The following IKZF3 variants were observed in gnomAD, a reference collection of about 807,000 sequenced individuals.
IKZF3 encodes zinc finger protein Aiolos.
IKZF3 carries 10 observed loss-of-function variants against 49.0 expected under a neutral mutation model. That is an observed-to-expected ratio of 0.20 (90% CI 0.13 to 0.35). The LOEUF (loss-of-function observed/expected upper bound fraction) is 0.35. Ranked by LOEUF, IKZF3 falls within the 10% of genes least tolerant of loss-of-function variation. IKZF3 has a pLI of 1.00. For synonymous variants in IKZF3, 209 were observed against 228.2 expected, an observed-to-expected ratio of 0.92 and a Z score of 0.76; for missense variants, 498 against 664.8, an observed-to-expected ratio of 0.75 and a Z score of 2.76.
rs1428917195 is a variant in IKZF3 at position 39,791,587 on chromosome 17, T to A, written c.425-4A>T. On this transcript the variant is annotated splice_polypyrimidine_tract_variant and splice_region_variant and intron_variant, in intron 4 of 7. Transcript: ENST00000346872. Reference sequence around the variant, plus strand: ...TTACACTGGAATGGGCGTTCACCTTTAAAAAGGACAAAAAAGGAGATTTCT... The same window carrying A: ...TTACACTGGAATGGGCGTTCACCTTAAAAAAGGACAAAAAAGGAGATTTCT... 1 of 1,613,332 alleles carries A rather than the reference T, an allele frequency of 6.2e-7. No individual in the cohort carries two copies. Among genetic ancestry groups the A allele is most frequent in the Admixed American group, 1.7e-5 (1 of 59,838 alleles).
At chr17:39,846,825 T>G (rs2062646545) in intron 1 of IKZF3, among the ~76,000 whole-genome samples, 1 of 152,076 alleles carries the variant, frequency 6.6e-6, no homozygotes, top group African/African-American at 2.4e-5. Flanking sequence ...AGATCATATT[T>G]CTACTCCATG....
At chr17:39,797,426 T>C (rs1192502493) in intron 3 of IKZF3, among the ~76,000 whole-genome samples, 1 of 119,802 alleles carries the variant, frequency 8.3e-6, no homozygotes, top group Non-Finnish European at 1.7e-5. Flanking sequence ...TCTTTCTTTC[T>C]TTTTTTTTTT....
Position 39,766,274 on chromosome 17 carries a change from G to A in IKZF3, c.1046C>T (p.Ala349Val), listed in dbSNP as rs1463659929. ...TTGAGGGGCACCGTTTGACATCTCAGCCCGGGTGAGGGCTATGGGATACAT... is the reference window on the plus strand; with the variant it reads ...TTGAGGGGCACCGTTTGACATCTCAACCCGGGTGAGGGCTATGGGATACAT... ...SSMYPIALTR[A>V]EMSNGAPQEL... is the part of the protein sequence containing the mutation. The change falls in exon 8 of 8, where the codon GCT (alanine) becomes GTT (valine). Residue 349 changes from alanine (A) to valine (V), a missense_variant. Around this residue, in one of 3 missense-constraint regions of IKZF3, gnomAD observed 317 missense variants for 397.3 expected, o/e 0.80. Coordinates refer to ENST00000346872, the MANE Select transcript of IKZF3 (RefSeq NM_012481.5). 1 of 1,614,168 alleles carries A rather than the reference G, an allele frequency of 6.2e-7. No homozygotes were observed.
chr17:39,837,343 C>A (rs2062320935), intron 1 of IKZF3, among the ~76,000 whole-genome samples: 1 of 151,720 alleles, frequency 6.6e-6, no homozygotes, highest in African/African-American at 2.4e-5. Context: ...AGGGACTTTT[C>A]TTGTTTTCAA....
At chr17:39,829,975 A>C in intron 2 of IKZF3, among the ~76,000 whole-genome samples, 1 of 152,088 alleles carries the variant, frequency 6.6e-6, no homozygotes, top group East Asian at 1.9e-4. Flanking sequence ...AGAGAAAAGA[A>C]ATATGCCCAG....
At position 39,765,363 on chromosome 17, in the gene IKZF3, G is replaced by A. The variant is rs1437844549; in HGVS notation, c.*427C>T. On this transcript the variant is annotated 3_prime_UTR_variant, in exon 8 of 8. Coordinates refer to ENST00000346872, the MANE Select transcript of IKZF3 (RefSeq NM_012481.5). ...ACCCTTCAGCCTGTGAAGGGCAGAA[G>A]GGTGAGGCTTCCCAGCAAGGTCAGC... is the stretch of plus-strand genomic sequence containing the variant. The A allele has an allele frequency of 6.2e-6, 1 of 162,240 alleles. No individual in the cohort carries two copies. The highest frequency in any genetic ancestry group is 2.4e-5 in the African/African-American group (1 of 41,572). 10.1% of individuals were successfully genotyped at this position (162,240 alleles called of 1,614,324 possible). A position where few individuals can be genotyped will look rare whatever the true frequency, so the allele number is the denominator to read the frequency against.
intron 1 of IKZF3, among the ~76,000 whole-genome samples, chr17:39,842,030 C>T (rs1302415848): frequency 1.1e-4 from 1 of 8,722 alleles, no homozygotes; most frequent in Non-Finnish European, 2.1e-4. Context: ...TGGATGACAA[C>T]AAAGCAAAAA....
intron 7 of IKZF3, among the ~76,000 whole-genome samples, chr17:39,768,319 A>AT (rs778457080): frequency 1.9e-4 from 29 of 152,176 alleles, no homozygotes; most frequent in Non-Finnish European, 3.4e-4. Context: ...AAGAATTTAG[A>AT]TTTTCAGAGA....
chr17:39,783,097 T>G (rs2060785143), intron 6 of IKZF3, among the ~76,000 whole-genome samples: 1 of 152,162 alleles, frequency 6.6e-6, no homozygotes, highest in Non-Finnish European at 1.5e-5. Context: ...AATCCTTCAT[T>G]AGATCTTGAA....
intron 7 of IKZF3, among the ~76,000 whole-genome samples, chr17:39,767,757 G>A (rs193291860): frequency 4.6e-5 from 7 of 152,150 alleles, no homozygotes; most frequent in East Asian, 3.9e-4. Flanking sequence ...TATAGAACTC[G>A]AGAAAAAGTA....
chr17:39,784,831 G>A (rs1295717159), intron 6 of IKZF3, among the ~76,000 whole-genome samples: 1 of 152,198 alleles, frequency 6.6e-6, no homozygotes, highest in Non-Finnish European at 1.5e-5. Context: ...AGCAAGGCCA[G>A]AAGTCCTGTT....
intron 4 of IKZF3, 52 bp downstream of exon 4, chr17:39,792,621 C>G: frequency 1.3e-6 from 2 of 1,554,822 alleles, no homozygotes; most frequent in Non-Finnish European, 1.7e-6. Flanking sequence ...TCATTTCTCA[C>G]GTGGCTGCAT....
chr17:39,785,677 T>C (rs1210190168), intron 6 of IKZF3, among the ~76,000 whole-genome samples: 3 of 152,182 alleles, frequency 2.0e-5, no homozygotes, highest in African/African-American at 7.2e-5. Context: ...AGGACACACA[T>C]ATATGTATAT....
chr17:39,765,672 A>C lies in IKZF3; in HGVS notation c.*118T>G. The C allele has an allele frequency of 2.7e-6, 2 of 738,294 alleles. No individual in the cohort carries two copies. Among genetic ancestry groups the C allele is most frequent in the South Asian group, 3.8e-5 (2 of 52,886 alleles). 45.7% of individuals were successfully genotyped at this position (738,294 alleles called of 1,614,324 possible). A position where few individuals can be genotyped will look rare whatever the true frequency, so the allele number is the denominator to read the frequency against. ...CTGGCTACCCCTGTGAACACAGCTA[A>C]AAATGGTATGAAAAGAAGTTTGGAA... is the stretch of plus-strand genomic sequence containing the variant. On this transcript the variant is annotated 3_prime_UTR_variant, in exon 8 of 8. Transcript: ENST00000346872.
chr17:39,781,337 G>GT, intron 6 of IKZF3, among the ~76,000 whole-genome samples: 1 of 152,270 alleles, frequency 6.6e-6, no homozygotes, highest in South Asian at 2.1e-4. Flanking sequence ...AGGTAGCTAA[G>GT]TTTGCACTTT....
At chr17:39,806,975 T>C (rs1196258337) in intron 3 of IKZF3, among the ~76,000 whole-genome samples, 1 of 152,208 alleles carries the variant, frequency 6.6e-6, no homozygotes, top group Non-Finnish European at 1.5e-5. Context: ...CTAACAGCCT[T>C]CAGGAACTGA....
At chr17:39,793,073 C>T (rs1598024043) in intron 3 of IKZF3, 140 bp from the exon 4 acceptor site, 1 of 854,138 alleles carries the variant, frequency 1.2e-6, no homozygotes, top group South Asian at 1.7e-5. Flanking sequence ...AACAAGAAAG[C>T]ACCATTAGCG....
chr17:39,815,475 T>C (rs1241986044), intron 3 of IKZF3, among the ~76,000 whole-genome samples: 1 of 152,210 alleles, frequency 6.6e-6, no homozygotes, highest in Non-Finnish European at 1.5e-5. Context: ...AGGTTTTTAT[T>C]TTTTAGTTGC....
intron 1 of IKZF3, among the ~76,000 whole-genome samples, chr17:39,843,830 T>C (rs1391389085): frequency 1.4e-5 from 2 of 144,780 alleles, no homozygotes; most frequent in South Asian, 2.2e-4. Context: ...AAAAAAGAGA[T>C]AGGAAAACCA....
Sources: gnomAD v4.1 joint callset for allele counts (sites outside exome capture counted in the v4.1 genomes callset) on GRCh38, gnomAD v4.1.1 for gene constraint, gnomAD v4.1.1 regional missense constraint, MANE v1.5 for transcripts, NCBI Gene and HGNC (gene_info 2026-07-23, HGNC 2026-07-21) for gene names.